DACT3: variants seen among roughly 807,000 people sequenced by gnomAD.
The protein encoded by DACT3 is dishevelled binding antagonist of beta catenin 3.
A neutral mutation model predicts 19.6 loss-of-function variants in DACT3; 5 were observed. The observed-to-expected ratio is 0.26, with a 90% CI of 0.13 to 0.54. The LOEUF is 0.54. DACT3 is among the 20% of genes least tolerant of loss of function. DACT3 has a pLI of 0.95. For missense variants in DACT3, 908 were observed against 927.4 expected (o/e 0.98, Z 0.27); for synonymous variants, 454 against 428.1 (o/e 1.06, Z -0.75).
chr19:46,656,495 A>T (rs375109151), intron 1 of DACT3, among the ~76,000 whole-genome samples: 20 of 152,126 alleles, frequency 1.3e-4, no homozygotes, highest in African/African-American at 4.8e-4. Flanking sequence ...CTACAGGCAC[A>T]TGCCACCACA....
Position 46,649,828 on chromosome 19 carries a change from C to T in DACT3, c.544G>A (p.Ala182Thr), listed in dbSNP as rs1210857683. 1.4e-6 allele frequency: 2 copies of T among 1,425,826 alleles called. No individual in the cohort carries two copies. The highest frequency in any genetic ancestry group is 2.8e-5 in the South Asian group (2 of 71,956). The allele number at this position is 1,425,826 out of a possible 1,614,324, so 88.3% of individuals were successfully genotyped here. Residue 182 changes from alanine to threonine, a missense_variant, in exon 4 of 4, where the codon GCG (alanine) becomes ACG (threonine). This residue lies in a region of DACT3 where 252 missense variants were observed against 325.6 expected (regional missense o/e 0.77). Coordinates refer to ENST00000391916, the MANE Select transcript of DACT3 (RefSeq NM_145056.3). ...SAPEVVGARA[A>T]VPRSFSAPYP... Reference sequence around the variant, plus strand: ...GGCGCTGAGAAGGACCGCGGCACCGCTGCCCGCGCGCCCACCACCTCCGGA... The same window carrying T: ...GGCGCTGAGAAGGACCGCGGCACCGTTGCCCGCGCGCCCACCACCTCCGGA...
intron 3 of DACT3, chr19:46,651,868 A>C (rs1286733663): frequency 6.6e-6 from 1 of 151,652 alleles, no homozygotes; most frequent in Non-Finnish European, 1.5e-5. Context: ...CTGGCTATTG[A>C]GGCACTGTTA....
intron 1 of DACT3, among the ~76,000 whole-genome samples, chr19:46,655,564 G>T (rs1186707039): frequency 3.9e-5 from 6 of 152,172 alleles, no homozygotes; most frequent in Non-Finnish European, 7.3e-5. Flanking sequence ...AGTGAGCCGA[G>T]ATCACGCCAC....
Position 46,660,356 on chromosome 19 carries a change from T to A in DACT3, c.249+460A>T. ...CCAGGACTTAGGGAAGATGGAGCCC[T>A]GGTGGCGGGGCCCAGAGAAGGGCAT... On this transcript the variant is annotated intron_variant, in intron 1 of 3. Coordinates refer to ENST00000391916, the MANE Select transcript of DACT3 (RefSeq NM_145056.3). The surrounding 1 kb of genome is among the most constrained non-coding windows in gnomAD (Gnocchi z 4.9). 1 of 154,346 alleles carries A rather than the reference T, an allele frequency of 6.5e-6. No individual in the cohort carries two copies. Among genetic ancestry groups the A allele is most frequent in the Non-Finnish European group, 1.4e-5 (1 of 69,220 alleles). The allele number at this position is 154,346 out of a possible 1,614,324, so 9.6% of individuals were successfully genotyped here. A position where few individuals can be genotyped will look rare whatever the true frequency, so the allele number is the denominator to read the frequency against.
At chr19:46,659,264 T>C in intron 1 of DACT3, 1 of 983,238 alleles carries the variant, frequency 1.0e-6, no homozygotes, top group African/African-American at 1.8e-5. Context: ...GCCTCTCCAC[T>C]ATCAGCTCGT....
intron 1 of DACT3, among the ~76,000 whole-genome samples, chr19:46,656,249 C>T (rs559757307): frequency 6.6e-6 from 1 of 151,780 alleles, no homozygotes; most frequent in South Asian, 2.1e-4. Flanking sequence ...AGGGTTTCAT[C>T]ATGTTGGCCA....
At chr19:46,659,739 C>G (rs1373072774) in intron 1 of DACT3, among the ~76,000 whole-genome samples, 1 of 151,594 alleles carries the variant, frequency 6.6e-6, no homozygotes, top group South Asian at 2.1e-4. Context: ...TTTCCCGAAA[C>G]GGGAAGCTCT....
intron 3 of DACT3, chr19:46,652,342 C>T (rs116230772): frequency 8.0e-4 from 316 of 396,520 alleles, no homozygotes; most frequent in African/African-American, 5.8e-3. Flanking sequence ...TACAGGTGTT[C>T]GCTACCACGC....
rs551909098 is a variant in DACT3 at position 46,654,359 on chromosome 19, G to A, written c.250-1284C>T. 3.6e-4 allele frequency: 191 copies of A among 532,892 alleles called. No homozygotes were observed. The African/African-American group carries it at 3.8e-3, about 11-fold the overall frequency. The allele number at this position is 532,892 out of a possible 1,614,324, so 33.0% of individuals were successfully genotyped here. A position where few individuals can be genotyped will look rare whatever the true frequency, so the allele number is the denominator to read the frequency against. On this transcript the variant is annotated intron_variant, in intron 1 of 3. Coordinates refer to ENST00000391916, the MANE Select transcript of DACT3 (RefSeq NM_145056.3). ...AAACTAGCGGGGCGTGGTGGTTTGC[G>A]CCTGTAGTCCCAGCTACTAGAGAGG...
chr19:46,654,046 A>C, intron 1 of DACT3: 2 of 985,352 alleles, frequency 2.0e-6, no homozygotes, highest in Non-Finnish European at 2.4e-6. Flanking sequence ...AGCCTCCTAG[A>C]CAGTCCTGTG....
chr19:46,648,766 C>T lies in DACT3; in HGVS notation c.1606G>A (p.Gly536Arg), dbSNP rs1463610848. ...AGRLGPLGRR[G>R]PAGGVGGGYG... The stretch of plus-strand genomic sequence containing the variant: ...CCCCCGCCGACGCCTCCCGCAGGCC[C>T]CCGGCGTCCCAGGGGCCCCAGGCGC... Residue 536 changes from glycine (G) to arginine (R), a missense_variant, in exon 4 of 4, where the codon GGG becomes AGG. Coordinates refer to ENST00000391916, the MANE Select transcript of DACT3 (RefSeq NM_145056.3). This position sits in a 1 kb window ranked among gnomAD's most constrained non-coding sequence, Gnocchi z 5.1. The T allele has an allele frequency of 1.3e-6, 2 of 1,561,450 alleles. No individual in the cohort carries two copies. Among genetic ancestry groups the T allele is most frequent in the Non-Finnish European group, 1.7e-6 (2 of 1,160,494 alleles).
At chr19:46,655,456 T>C (rs1194941780) in intron 1 of DACT3, among the ~76,000 whole-genome samples, 1 of 151,784 alleles carries the variant, frequency 6.6e-6, no homozygotes, top group Non-Finnish European at 1.5e-5. Context: ...CTACTAGAAA[T>C]ACAAAAAATA....
chr19:46,654,429 T>C, intron 1 of DACT3: 1 of 699,836 alleles, frequency 1.4e-6, no homozygotes, highest in South Asian at 6.5e-5. Flanking sequence ...GAGGTTGCAG[T>C]GAGCCGAGAT....
intron 1 of DACT3, among the ~76,000 whole-genome samples, chr19:46,658,283 T>C (rs576003652): frequency 1.4e-4 from 21 of 151,702 alleles, no homozygotes; most frequent in Non-Finnish European, 1.2e-4. Flanking sequence ...TAGTCCTAGC[T>C]TCTTGGGAGG....
rs573659813 is a variant in DACT3 at position 46,659,273 on chromosome 19, G to T, written c.249+1543C>A. The T allele has an allele frequency of 7.9e-5, 78 of 984,702 alleles. No homozygotes were observed. The Admixed American group carries it at 2.2e-3, about 28-fold the overall frequency. 61.0% of individuals were successfully genotyped at this position (984,702 alleles called of 1,614,324 possible). A position where few individuals can be genotyped will look rare whatever the true frequency, so the allele number is the denominator to read the frequency against. On this transcript the variant is annotated intron_variant, in intron 1 of 3. Coordinates refer to ENST00000391916, the MANE Select transcript of DACT3 (RefSeq NM_145056.3). The stretch of plus-strand genomic sequence containing the variant: ...GGACAGGCCTCTCCACTATCAGCTC[G>T]TGCCGGGAGGACAGAGGGCTGAGGG...
rs1388791620 is a variant in DACT3 at position 46,661,131 on chromosome 19, G to A, written c.-67C>T. On this transcript the variant is annotated 5_prime_UTR_variant, in exon 1 of 4. Coordinates refer to ENST00000391916, the MANE Select transcript of DACT3 (RefSeq NM_145056.3). The stretch of plus-strand genomic sequence containing the variant: ...ACCCCTCTCCCGGTCCCACCTCCCC[G>A]CCCCAGCAGCCTGCCCGCCCGCCCG... The A allele has an allele frequency of 4.7e-6, 6 of 1,265,330 alleles. No homozygotes were observed. The highest frequency in any genetic ancestry group is 4.0e-5 in the South Asian group (2 of 50,308). The allele number at this position is 1,265,330 out of a possible 1,614,324, so 78.4% of individuals were successfully genotyped here.
At position 46,660,154 on chromosome 19, in the gene DACT3, C is replaced by A. The variant is rs2053064361; in HGVS notation, c.249+662G>T. On this transcript the variant is annotated intron_variant, in intron 1 of 3. Transcript: ENST00000391916. This position sits in a 1 kb window ranked among gnomAD's most constrained non-coding sequence, Gnocchi z 4.9. ...CAGGCGCTGCCTCGACCTGCCTCCC[C>A]TTGGGTCAAGGAGAGCTGGGGCCAG... 6.6e-6 allele frequency among the ~76,000 whole-genome samples: 1 copy of A among 152,204 alleles called. No individual in the cohort carries two copies. The highest frequency in any genetic ancestry group is 1.5e-5 in the Non-Finnish European group (1 of 68,026).
At chr19:46,655,017 A>G in intron 1 of DACT3, 2 of 985,444 alleles carry the variant, frequency 2.0e-6, no homozygotes, top group Non-Finnish European at 2.4e-6. Flanking sequence ...ATTGTGCAGC[A>G]TCAGGAAGTA....
chr19:46,648,234 AGG>A lies in DACT3; in HGVS notation c.*246_*247del. On this transcript the variant is annotated 3_prime_UTR_variant, in exon 4 of 4. Coordinates refer to ENST00000391916, the MANE Select transcript of DACT3 (RefSeq NM_145056.3). The surrounding 1 kb of genome is among the most constrained non-coding windows in gnomAD (Gnocchi z 5.1). ...AGATGAGGAAAGTGACGCCCAGAGA[AGG>A]GGAACTGTCTTGCCCAAGGGCTTCC... is the stretch of plus-strand genomic sequence containing the variant. The A allele has an allele frequency of 1.7e-6, 1 of 577,790 alleles. No individual in the cohort carries two copies. Among genetic ancestry groups the A allele is most frequent in the Non-Finnish European group, 3.1e-6 (1 of 327,624 alleles). 35.8% of individuals were successfully genotyped at this position (577,790 alleles called of 1,614,324 possible).
Sources: allele counts gnomAD v4.1 joint callset (sites outside exome capture counted in the v4.1 genomes callset), GRCh38; gene constraint gnomAD v4.1.1; regional missense constraint gnomAD v4.1.1; non-coding constraint Gnocchi (gnomAD v3.1); transcripts MANE v1.5; gene names NCBI Gene and HGNC (gene_info 2026-07-23, HGNC 2026-07-21).